Variants in SNAPC4 observed in about 807,000 individuals in gnomAD.
SNAPC4 encodes small nuclear RNA activating complex polypeptide 4.
In SNAPC4, 127 loss-of-function variants were observed where a neutral mutation model predicts 151.3. That is an observed-to-expected ratio of 0.84 (90% CI 0.73 to 0.97). SNAPC4 has a LOEUF of 0.97. Ranked by LOEUF, SNAPC4 falls within the 50% of genes least tolerant of loss-of-function variation. The pLI, the probability that SNAPC4 is intolerant of heterozygous loss-of-function variation, is 0.00. For missense variants in SNAPC4, 2,186 were observed against 1,935.0 expected, an observed-to-expected ratio of 1.13 and a Z score of -2.43; for synonymous variants, 1,002 against 824.4, an observed-to-expected ratio of 1.22 and a Z score of -3.69.
chr9:136,389,590 T>TCGCC (rs1834000591), intron 10 of SNAPC4, among the ~76,000 whole-genome samples: 1 of 152,136 alleles, frequency 6.6e-6, no homozygotes, highest in Non-Finnish European at 1.5e-5. Flanking sequence ...TGTGTGAGCC[T>TCGCC]CGCCCGCACG....
At chr9:136,385,042 G>A (rs903158535) in intron 13 of SNAPC4, among the ~76,000 whole-genome samples, 1 of 152,170 alleles carries the variant, frequency 6.6e-6, no homozygotes, top group African/African-American at 2.4e-5. Flanking sequence ...CAAGTCACGT[G>A]TCCGATAAAG....
chr9:136,395,203 C>T (rs1834221757), intron 5 of SNAPC4, 95 bp downstream of exon 5: 6 of 1,475,060 alleles, frequency 4.1e-6, no homozygotes, highest in Non-Finnish European at 5.5e-6. Flanking sequence ...CTTGAACTCA[C>T]AGGAATTCAC....
chr9:136,376,599 C>T, intron 22 of SNAPC4, 118 bp from the exon 23 acceptor site: 1 of 1,252,330 alleles, frequency 8.0e-7, no homozygotes, highest in Non-Finnish European at 1.1e-6. Context: ...GACAGGGCAC[C>T]CTCAGCTCAG....
chr9:136,383,938 G>A lies in SNAPC4; in HGVS notation c.1500+15C>T, dbSNP rs1293469637. On this transcript the variant is annotated intron_variant, in intron 15 of 23. Coordinates refer to ENST00000684778, the MANE Select transcript of SNAPC4 (RefSeq NM_003086.4). The surrounding 1 kb of genome is among the most constrained non-coding windows in gnomAD (Gnocchi z 4.2). Reference sequence around the variant, plus strand: ...CATTGTCTGGTTTCAGATAAAGAAGGAGCGAGTGGCTCACCCCCATCATGA... The same window carrying A: ...CATTGTCTGGTTTCAGATAAAGAAGAAGCGAGTGGCTCACCCCCATCATGA... 5.6e-6 allele frequency: 9 copies of A among 1,610,300 alleles called. No individual in the cohort carries two copies. The East Asian group carries it at 2.0e-4, about 36-fold the overall frequency.
In SNAPC4 at chr9:136,388,478, C is replaced by G. The variant is rs1200834778; in HGVS notation, c.1089G>C (p.Glu363Asp). 6.2e-7 allele frequency: 1 copy of G among 1,612,828 alleles called. No homozygotes were observed. The change falls in exon 11 of 24, where the codon GAG (glutamate) becomes GAC (aspartate). Residue 363 changes from glutamate (E) to aspartate (D), a missense_variant. Glu to Asp is a conservative substitution (Grantham distance 45). Transcript: ENST00000684778. ...EDRMLTQLVQ[E>D]MRVGSHIPYR... ...AGGGGATGTGGCTGCCGACGCGCAT[C>G]TCCTGCACCAGCTGCGTGAGCATGC...
intron 13 of SNAPC4, 120 bp from the exon 14 acceptor site, chr9:136,384,934 C>G (rs571156115): frequency 7.1e-6 from 4 of 559,752 alleles, no homozygotes; most frequent in Non-Finnish European, 1.3e-5. Context: ...CAAAAGAAAA[C>G]TACAGATAAA....
At chr9:136,380,503 G>A (rs933220204) in intron 20 of SNAPC4, among the ~76,000 whole-genome samples, 2 of 152,224 alleles carry the variant, frequency 1.3e-5, no homozygotes, top group African/African-American at 2.4e-5. Flanking sequence ...GTCCATGACC[G>A]CCCAGCGGGG....
At position 136,378,442 on chromosome 9, in the gene SNAPC4, C is replaced by T. The variant is rs760983252; in HGVS notation, c.3385G>A (p.Ala1129Thr). ...TRAAQGPRAPALSSSWQPPAN... is the reference protein window; with the variant it reads ...TRAAQGPRAPTLSSSWQPPAN... ...GGGGGCTGCCAAGAGCTGCTCAACG[C>T]TGGGGCCCTGGGGCCCTGGGCCGCC... Residue 1129 changes from alanine to threonine, a missense_variant, in exon 22 of 24, where the codon GCG becomes ACG. By Grantham distance (58) the Ala-to-Thr change is moderately conservative (BLOSUM62 0). Coordinates refer to ENST00000684778, the MANE Select transcript of SNAPC4 (RefSeq NM_003086.4). 6.3e-7 allele frequency: 1 copy of T among 1,588,292 alleles called. No homozygotes were observed. Among genetic ancestry groups the T allele is most frequent in the Non-Finnish European group, 8.5e-7 (1 of 1,171,332 alleles).
intron 10 of SNAPC4, among the ~76,000 whole-genome samples, chr9:136,389,421 T>A (rs1833995532): frequency 1.3e-5 from 2 of 152,192 alleles, no homozygotes. Context: ...CACGCAGAGC[T>A]GGATGTGGTG....
In SNAPC4 at chr9:136,378,560, A is replaced by G. The variant is rs908396472; in HGVS notation, c.3267T>C (p.Pro1089=). ...VLTAQGLLPV[P]VPAVVSLPRP... is the part of the protein sequence containing the mutation. Reference sequence around the variant, plus strand: ...TGGGAAGGCTCACCACAGCTGGTACAGGAACAGGGAGAAGCCCCTGGGCTG... The same window carrying G: ...TGGGAAGGCTCACCACAGCTGGTACGGGAACAGGGAGAAGCCCCTGGGCTG... Residue 1089 remains proline, a synonymous_variant, in exon 22 of 24, where the codon CCT becomes CCC. Coordinates refer to ENST00000684778, the MANE Select transcript of SNAPC4 (RefSeq NM_003086.4). 9 of 1,591,938 alleles carry G rather than the reference A, an allele frequency of 5.7e-6. No individual in the cohort carries two copies. Among genetic ancestry groups the G allele is most frequent in the Non-Finnish European group, 7.7e-6 (9 of 1,173,010 alleles).
chr9:136,377,484 G>C (rs1267937258), intron 22 of SNAPC4, 59 bp downstream of exon 22: 1 of 1,487,596 alleles, frequency 6.7e-7, no homozygotes, highest in East Asian at 2.3e-5. Flanking sequence ...CCAGGCAGGC[G>C]AGGGCACCCC....
chr9:136,378,275 T>C lies in SNAPC4; in HGVS notation c.3552A>G (p.Ile1184Met), dbSNP rs1269850369. The C allele has an allele frequency of 1.2e-6, 2 of 1,605,998 alleles. No individual in the cohort carries two copies. Among genetic ancestry groups the C allele is most frequent in the East Asian group, 2.2e-5 (1 of 44,656 alleles). The change falls in exon 22 of 24, where the codon ATA becomes ATG. Residue 1184 changes from isoleucine to methionine, a missense_variant. By Grantham distance (10) the Ile-to-Met change is conservative (BLOSUM62 1). Transcript: ENST00000684778. ...VPGEAQVARE[I>M]PEPRTSSHAD... Reference sequence around the variant, plus strand: ...CGTGGGAGGACGTCCTGGGCTCAGGTATCTCCCTGGCCACCTGGGCCTCTC... The same window carrying C: ...CGTGGGAGGACGTCCTGGGCTCAGGCATCTCCCTGGCCACCTGGGCCTCTC...
At chr9:136,384,671 AC>A in intron 14 of SNAPC4, 48 bp downstream of exon 14, 1 of 1,005,120 alleles carries the variant, frequency 9.9e-7, no homozygotes. Context: ...TTTCTAAGAA[AC>A]AAAAAACAAA....
At position 136,387,831 on chromosome 9, in the gene SNAPC4, C is replaced by T. The variant is rs747868175; in HGVS notation, c.1141G>A (p.Gly381Arg). The stretch of plus-strand genomic sequence containing the variant: ...TAGATCAGCTGCATGGAGTCTCTCC[C>T]TTCCATATAGTAGACAACTAGGGAC... ...PYRRIVYYME[G>R]RDSMQLIYRW... is the part of the protein sequence containing the mutation. Residue 381 changes from glycine to arginine, a missense_variant, in exon 12 of 24, where the codon GGG becomes AGG. Coordinates refer to ENST00000684778, the MANE Select transcript of SNAPC4 (RefSeq NM_003086.4). The T allele has an allele frequency of 4.4e-6, 7 of 1,605,028 alleles. No homozygotes were observed. Among genetic ancestry groups the T allele is most frequent in the Non-Finnish European group, 5.1e-6 (6 of 1,171,946 alleles).
At chr9:136,377,341 A>G (rs556204584) in intron 22 of SNAPC4, among the ~76,000 whole-genome samples, 2 of 152,118 alleles carry the variant, frequency 1.3e-5, no homozygotes, top group African/African-American at 2.4e-5. Flanking sequence ...CCTTTTCCAC[A>G]CTGCCCCAAA....
Position 136,378,587 on chromosome 9 carries a change from G to A in SNAPC4, c.3240C>T (p.Leu1080=), listed in dbSNP as rs947749044. 3 of 1,585,102 alleles carry A rather than the reference G, an allele frequency of 1.9e-6. No homozygotes were observed. The highest frequency in any genetic ancestry group is 2.7e-5 in the African/African-American group (2 of 74,450). ...GAACAGGGAGAAGCCCCTGGGCTGT[G>A]AGCACCCAGGTGACAGGCAGGGGGA... ...TSVPLPVTWV[L]TAQGLLPVPV... Residue 1080 remains leucine, a synonymous_variant, in exon 22 of 24, where the codon CTC becomes CTT. Coordinates refer to ENST00000684778, the MANE Select transcript of SNAPC4 (RefSeq NM_003086.4).
intron 13 of SNAPC4, among the ~76,000 whole-genome samples, chr9:136,387,244 T>C (rs976487650): frequency 5.9e-5 from 9 of 152,204 alleles, no homozygotes; most frequent in Non-Finnish European, 1.2e-4. Flanking sequence ...GTGGAGCCCA[T>C]GCGTTGCTCC....
chr9:136,398,157 C>G (rs1834339277), intron 2 of SNAPC4, 142 bp downstream of exon 2: 1 of 740,022 alleles, frequency 1.4e-6, no homozygotes, highest in Non-Finnish European at 2.2e-6. Context: ...ATGCTCTCAC[C>G]TCAGCCTCAG....
At chr9:136,380,559 T>C (rs1833650931) in intron 20 of SNAPC4, among the ~76,000 whole-genome samples, 181 bp downstream of exon 20, 2 of 152,200 alleles carry the variant, frequency 1.3e-5, no homozygotes, top group South Asian at 4.1e-4. Context: ...AGCCCCGACC[T>C]GCACCTGCCT....
Sources: gnomAD v4.1 joint callset for allele counts (sites outside exome capture counted in the v4.1 genomes callset) on GRCh38, gnomAD v4.1.1 for gene constraint, Gnocchi (gnomAD v3.1) non-coding constraint, MANE v1.5 for transcripts, NCBI Gene and HGNC (gene_info 2026-07-23, HGNC 2026-07-21) for gene names.